The following FBXW10B variants were observed in gnomAD, a reference collection of about 807,000 sequenced individuals.
FBXW10B encodes F-box and WD repeat domain containing 10B, also known as F-box and WD repeat domain containing protein 10B.
At chr17:15,592,857 C>T in the FBXW10B span, among the ~76,000 whole-genome samples, 2 of 152,242 alleles carry the variant, frequency 1.3e-5, no homozygotes, top group Non-Finnish European at 2.9e-5. Context: ...GTAATCCCAG[C>T]GCTTTGGGAG....
chr17:15,604,883 A>G, the FBXW10B span, among the ~76,000 whole-genome samples: 1 of 152,358 alleles, frequency 6.6e-6, no homozygotes, highest in East Asian at 1.9e-4. Flanking sequence ...GTCTGTCTCA[A>G]ACCCATAAAA....
the FBXW10B span, among the ~76,000 whole-genome samples, chr17:15,604,037 G>T: frequency 7.2e-6 from 1 of 138,788 alleles, no homozygotes; most frequent in Non-Finnish European, 1.5e-5. Flanking sequence ...CCAACATGGC[G>T]CCACTGCCCT....
chr17:15,598,849 GT>G, the FBXW10B span: 1 of 1,153,130 alleles, frequency 8.7e-7, no homozygotes, highest in Non-Finnish European at 1.2e-6. Context: ...TTCTGTGTAA[GT>G]TTCCTTTCCT....
the FBXW10B span, among the ~76,000 whole-genome samples, chr17:15,567,879 A>C: frequency 6.6e-6 from 1 of 152,238 alleles, no homozygotes; most frequent in Admixed American, 6.5e-5. Flanking sequence ...AATACTTGTC[A>C]GCTAATAACA....
the FBXW10B span, among the ~76,000 whole-genome samples, chr17:15,617,358 G>T: frequency 3.0e-4 from 45 of 152,116 alleles, no homozygotes; most frequent in African/African-American, 1.1e-3. Context: ...ACTCCAAAAC[G>T]CCTCCATGTG....
At chr17:15,566,273 T>C in the FBXW10B span, 1 of 1,603,970 alleles carries the variant, frequency 6.2e-7, no homozygotes, top group Non-Finnish European at 8.5e-7. Flanking sequence ...ATAGGGATTT[T>C]CCAAGACTTT....
chr17:15,577,754 C>A, the FBXW10B span, among the ~76,000 whole-genome samples: 6 of 152,120 alleles, frequency 3.9e-5, no homozygotes, highest in African/African-American at 1.4e-4. Context: ...GGAAGTCATA[C>A]CATAGCGTTC....
At chr17:15,613,060 C>T in the FBXW10B span, among the ~76,000 whole-genome samples, 1 of 152,062 alleles carries the variant, frequency 6.6e-6, no homozygotes, top group Non-Finnish European at 1.5e-5. Context: ...CAGACTGTCG[C>T]CAGCCTCACC....
the FBXW10B span, among the ~76,000 whole-genome samples, chr17:15,612,133 G>C: frequency 3.1e-3 from 472 of 152,282 alleles, 1 homozygote; most frequent in African/African-American, 0.011. Flanking sequence ...ACGGCCAGGG[G>C]CTTTGAAGTA....
At chr17:15,601,357 T>C in the FBXW10B span, among the ~76,000 whole-genome samples, 2 of 133,868 alleles carry the variant, frequency 1.5e-5, no homozygotes, top group East Asian at 2.1e-4. Flanking sequence ...GGCAGTGAGC[T>C]GAGATCGCAC....
the FBXW10B span, chr17:15,565,716 C>T: frequency 3.7e-6 from 6 of 1,614,130 alleles, no homozygotes; most frequent in South Asian, 5.5e-5. Context: ...GCTCCTTCTC[C>T]TCCTTCACGG....
chr17:15,603,718 A>G, the FBXW10B span, among the ~76,000 whole-genome samples: 1 of 147,176 alleles, frequency 6.8e-6, no homozygotes, highest in South Asian at 2.3e-4. Flanking sequence ...ACTCATGCAC[A>G]TGGGCACCAG....
chr17:15,599,774 A>G, the FBXW10B span, among the ~76,000 whole-genome samples: 1 of 151,954 alleles, frequency 6.6e-6, no homozygotes, highest in Non-Finnish European at 1.5e-5. Flanking sequence ...TGCTTTTGAG[A>G]CAGGACAAAG....
chr17:15,600,215 C>CAA, the FBXW10B span, among the ~76,000 whole-genome samples: 70 of 120,922 alleles, frequency 5.8e-4, no homozygotes, highest in East Asian at 1.6e-3. Context: ...GACTCTGTCT[C>CAA]AAAAAAAAAA....
chr17:15,590,295 G>T, the FBXW10B span, among the ~76,000 whole-genome samples: 2 of 151,328 alleles, frequency 1.3e-5, no homozygotes, highest in Admixed American at 1.3e-4. Context: ...TTATCATTCA[G>T]GAGTCCTCCT....
chr17:15,570,653 C>A, the FBXW10B span, among the ~76,000 whole-genome samples: 5 of 152,186 alleles, frequency 3.3e-5, no homozygotes, highest in Non-Finnish European at 5.9e-5. Context: ...AAATGAAATT[C>A]TTTTCACAAT....
the FBXW10B span, chr17:15,571,971 G>C: frequency 6.6e-6 from 1 of 152,048 alleles, no homozygotes; most frequent in Non-Finnish European, 1.5e-5. Context: ...CGGCGGTGGG[G>C]GGAGGGGTGC....
At chr17:15,619,159 CA>C in the FBXW10B span, 1 of 1,613,868 alleles carries the variant, frequency 6.2e-7, no homozygotes, top group Admixed American at 1.7e-5. Flanking sequence ...AGATCTCTTT[CA>C]TCTTCTGTTC....
the FBXW10B span, chr17:15,568,812 G>A: frequency 8.3e-7 from 1 of 1,200,158 alleles, no homozygotes; most frequent in Non-Finnish European, 1.0e-6. Flanking sequence ...CTCTTTTTCT[G>A]TTATCTCCTT....
Sources: allele counts gnomAD v4.1 joint callset (sites outside exome capture counted in the v4.1 genomes callset), GRCh38; gene constraint gnomAD v4.1.1; transcripts MANE v1.5; gene names NCBI Gene and HGNC (gene_info 2026-07-23, HGNC 2026-07-21).